Variants in PLA2G4C observed in about 807,000 individuals in gnomAD.
PLA2G4C encodes the protein cytosolic phospholipase A2 gamma.
Under a neutral mutation model 73.8 loss-of-function variants are expected in PLA2G4C, and 64 were observed. That is an observed-to-expected ratio of 0.87 (90% CI 0.71 to 1.07). PLA2G4C has a LOEUF of 1.07. Among genes scored for constraint, PLA2G4C ranks in the 50% least tolerant of loss-of-function variants. The pLI, the probability that PLA2G4C is intolerant of heterozygous loss-of-function variation, is 0.00. For synonymous variants in PLA2G4C, 254 were observed against 252.1 expected (o/e 1.01, Z -0.07); for missense variants, 622 against 665.4 (o/e 0.93, Z 0.72).
intron 13 of PLA2G4C, chr19:48,062,361 A>AG: frequency 2.4e-6 from 1 of 414,516 alleles, no homozygotes; most frequent in Middle Eastern, 6.6e-4. Flanking sequence ...CTGAAATCCC[A>AG]GCACTTTGGG....
intron 16 of PLA2G4C, 28 bp downstream of exon 16, chr19:48,052,969 A>T: frequency 1.3e-6 from 2 of 1,586,106 alleles, no homozygotes; most frequent in Non-Finnish European, 1.7e-6. Flanking sequence ...GAGCATAGGC[A>T]TCAGAGCGAC....
At chr19:48,087,034 T>C (rs2031018877) in intron 9 of PLA2G4C, among the ~76,000 whole-genome samples, 1 of 152,156 alleles carries the variant, frequency 6.6e-6, no homozygotes, top group African/African-American at 2.4e-5. Context: ...GTGTGGCAGC[T>C]TCACTGGGTG....
chr19:48,080,723 C>G (rs1472144067), intron 10 of PLA2G4C, among the ~76,000 whole-genome samples: 1 of 150,736 alleles, frequency 6.6e-6, no homozygotes, highest in Non-Finnish European at 1.5e-5. Flanking sequence ...GCAGGAGAAT[C>G]ACTTGAACCC....
At chr19:48,083,451 C>CTTTT (rs56744614) in intron 10 of PLA2G4C, among the ~76,000 whole-genome samples, 3 of 58,330 alleles carry the variant, frequency 5.1e-5, no homozygotes, top group African/African-American at 1.2e-4. Context: ...TTTCTTTTTT[C>CTTTT]TTTTTTTTTT....
intron 12 of PLA2G4C, among the ~76,000 whole-genome samples, chr19:48,070,996 G>T (rs1303116423): frequency 1.3e-5 from 2 of 152,086 alleles, no homozygotes; most frequent in South Asian, 2.1e-4. Flanking sequence ...GAGCCAATTT[G>T]TTAAAATAAA....
At chr19:48,079,507 A>G (rs1342204494) in intron 10 of PLA2G4C, among the ~76,000 whole-genome samples, 2 of 152,230 alleles carry the variant, frequency 1.3e-5, no homozygotes, top group African/African-American at 2.4e-5. Context: ...TTCTCACCTT[A>G]TACAAAAATC....
At chr19:48,056,212 T>A (rs1044305081) in intron 14 of PLA2G4C, among the ~76,000 whole-genome samples, 6 of 152,110 alleles carry the variant, frequency 3.9e-5, no homozygotes, top group Admixed American at 3.9e-4. Flanking sequence ...AGGCATCTGT[T>A]AAGTCCTGCA....
chr19:48,091,006 C>CAA (rs61146922), intron 7 of PLA2G4C, among the ~76,000 whole-genome samples: 29 of 137,252 alleles, frequency 2.1e-4, no homozygotes, highest in South Asian at 4.6e-4. Flanking sequence ...ACCCTGACTT[C>CAA]AAAAAAAAAA....
rs1260409498 is a variant in PLA2G4C at position 48,057,480 on chromosome 19, C to CTT, written c.1258-2433_1258-2432dup. ...GTTTCTTCTTCTTCTTCTTCTTCTT[C>CTT]TTCTTTTTTTTTTTTTTTTTTTTTT... On this transcript the variant is annotated intron_variant, in intron 14 of 16. Transcript: ENST00000599921. 9.3e-3 allele frequency among the ~76,000 whole-genome samples: 262 copies of CTT among 28,068 alleles called. 27 individuals carry two copies. The highest frequency in any genetic ancestry group is 0.012 in the Non-Finnish European group (187 of 15,112). The allele number at this position is 28,068 out of a possible 152,430, so 18.4% of individuals were successfully genotyped here. A position where few individuals can be genotyped will look rare whatever the true frequency, so the allele number is the denominator to read the frequency against.
At chr19:48,059,842 C>T (rs1480827955) in intron 14 of PLA2G4C, among the ~76,000 whole-genome samples, 2 of 139,348 alleles carry the variant, frequency 1.4e-5, no homozygotes, top group Non-Finnish European at 3.0e-5. Flanking sequence ...AATCTTGGTT[C>T]ACTGCAACCT....
chr19:48,065,740 A>T (rs1019903358), intron 13 of PLA2G4C, among the ~76,000 whole-genome samples: 6 of 152,188 alleles, frequency 3.9e-5, no homozygotes, highest in African/African-American at 1.4e-4. Flanking sequence ...CCAAAGTTTT[A>T]TCACGTATAT....
At chr19:48,082,469 C>A (rs1455185149) in intron 10 of PLA2G4C, among the ~76,000 whole-genome samples, 4 of 137,146 alleles carry the variant, frequency 2.9e-5, no homozygotes, top group Non-Finnish European at 6.4e-5. Flanking sequence ...ATTTTGTCTG[C>A]TTTTTTTTCT....
rs753996222 is a variant in PLA2G4C at position 48,090,384 on chromosome 19, A to T, written c.743T>A (p.Val248Asp). The change falls in exon 8 of 17, where the codon GTC (valine) becomes GAC (aspartate). Residue 248 changes from valine to aspartate, a missense_variant. Physicochemically the swap from Val to Asp is radical, Grantham distance 152. Transcript: ENST00000599921. ...CTCACCAAAAATGTATTCCCTAATG[A>T]CTTCAGTGTTACCAAGAGCACTTCC... The part of the protein sequence containing the change: ...LWGSALGNTE[V>D]IREYIFDQLR... 1.2e-6 allele frequency: 2 copies of T among 1,612,344 alleles called. No homozygotes were observed. Among genetic ancestry groups the T allele is most frequent in the African/African-American group, 2.7e-5 (2 of 75,008 alleles).
intron 11 of PLA2G4C, among the ~76,000 whole-genome samples, 181 bp from the exon 12 acceptor site, chr19:48,075,055 G>C (rs573830645): frequency 6.6e-6 from 1 of 151,930 alleles, no homozygotes; most frequent in East Asian, 1.9e-4. Flanking sequence ...CACTCTCTCT[G>C]ACTTTCTGGC....
chr19:48,081,671 A>G (rs1326163871), intron 10 of PLA2G4C, among the ~76,000 whole-genome samples: 1 of 152,088 alleles, frequency 6.6e-6, no homozygotes, highest in African/African-American at 2.4e-5. Flanking sequence ...AGGCAGGAGA[A>G]TGGCTTGAAC....
At chr19:48,108,364 G>C (rs1016174347) in intron 1 of PLA2G4C, among the ~76,000 whole-genome samples, 1 of 152,034 alleles carries the variant, frequency 6.6e-6, no homozygotes, top group Non-Finnish European at 1.5e-5. Context: ...TCATTCTCCC[G>C]GGCTCATGCA....
At chr19:48,084,126 C>T (rs1330015566) in intron 10 of PLA2G4C, among the ~76,000 whole-genome samples, 1 of 150,364 alleles carries the variant, frequency 6.7e-6, no homozygotes. Flanking sequence ...GTGGTGTGAT[C>T]TTAGCTCACT....
chr19:48,076,786 G>A (rs1312578737), intron 11 of PLA2G4C, among the ~76,000 whole-genome samples: 7 of 151,746 alleles, frequency 4.6e-5, no homozygotes, highest in South Asian at 4.2e-4. Flanking sequence ...AAAAAAAGAC[G>A]CAAACAGCTT....
intron 12 of PLA2G4C, among the ~76,000 whole-genome samples, chr19:48,068,827 G>A (rs551533698): frequency 1.3e-5 from 2 of 152,100 alleles, no homozygotes; most frequent in East Asian, 3.9e-4. Flanking sequence ...CGGTGAGAAG[G>A]CGGCCATCCC....
Sources: allele counts gnomAD v4.1 joint callset (sites outside exome capture counted in the v4.1 genomes callset), GRCh38; gene constraint gnomAD v4.1.1; transcripts MANE v1.5; gene names NCBI Gene and HGNC (gene_info 2026-07-23, HGNC 2026-07-21).